PTPRN2: variants seen among roughly 807,000 people sequenced by gnomAD.
PTPRN2 encodes protein tyrosine phosphatase receptor type N2.
PTPRN2 carries 74 observed loss-of-function variants against 118.8 expected under a neutral mutation model. The observed-to-expected ratio is 0.62, with a 90% CI of 0.52 to 0.76. The LOEUF is 0.76. PTPRN2 is among the 30% of genes least tolerant of loss of function. The probability of loss-of-function intolerance (pLI) is 0.00; values close to 1 mark genes in which losing one functional copy is unlikely to be tolerated. For missense variants in PTPRN2, 1,481 were observed against 1,394.4 expected (o/e 1.06, Z -0.99); for synonymous variants, 641 against 608.0 (o/e 1.05, Z -0.80).
At chr7:158,327,585 T>G (rs1047779744) in intron 2 of PTPRN2, among the ~76,000 whole-genome samples, 4 of 152,236 alleles carry the variant, frequency 2.6e-5, no homozygotes, top group Admixed American at 2.6e-4. Flanking sequence ...TGTTCTCATG[T>G]ACACACTCAC....
At position 158,533,466 on chromosome 7, in the gene PTPRN2, G is replaced by A. The variant is rs76263467; in HGVS notation, c.113-43681C>T. On this transcript the variant is annotated intron_variant, in intron 1 of 22. Transcript: ENST00000389418. ...TTTGCCTTCCACTGAGTGGCCCAAC[G>A]TGGAGTGCTAGGAAGCCATCAGGAG... Among the ~76,000 whole-genome samples, 251 of 152,302 alleles carry A rather than the reference G, an allele frequency of 1.6e-3. 8 individuals carry two copies. In the East Asian group the frequency reaches 0.032, roughly 19 times the overall value.
Position 158,003,076 on chromosome 7 carries a change from C to G in PTPRN2, c.1723+78222G>C, listed in dbSNP as rs1374469064. 6.6e-6 allele frequency among the ~76,000 whole-genome samples: 1 copy of G among 152,148 alleles called. No individual in the cohort carries two copies. Among genetic ancestry groups the G allele is most frequent in the African/African-American group, 2.4e-5 (1 of 41,440 alleles). ...TGTCCCCCAAAATCCACAGGGGAAG[C>G]CCTGAACCCTCATGTGACTGTACTT... On this transcript the variant is annotated intron_variant, in intron 11 of 22. Coordinates refer to ENST00000389418, the MANE Select transcript of PTPRN2 (RefSeq NM_002847.5). This position sits in a 1 kb window ranked among gnomAD's most constrained non-coding sequence, Gnocchi z 5.0.
At chr7:157,791,464 T>G (rs1207575809) in intron 12 of PTPRN2, among the ~76,000 whole-genome samples, 1 of 152,142 alleles carries the variant, frequency 6.6e-6, no homozygotes, top group Non-Finnish European at 1.5e-5. Context: ...GGCGGATGCA[T>G]GTATGTGCCC....
intron 12 of PTPRN2, among the ~76,000 whole-genome samples, chr7:157,884,679 AAG>A (rs1268518467): frequency 6.6e-6 from 1 of 152,248 alleles, no homozygotes; most frequent in Non-Finnish European, 1.5e-5. Context: ...GGTGGCAGAC[AAG>A]AGAGAGCATG....
At position 157,661,386 on chromosome 7, in the gene PTPRN2, G is replaced by A. The variant is rs78185137; in HGVS notation, c.2002-4835C>T. On this transcript the variant is annotated intron_variant, in intron 13 of 22. Coordinates refer to ENST00000389418, the MANE Select transcript of PTPRN2 (RefSeq NM_002847.5). ...AGAGGGAGACGCTGCCGTGGGAGAAGGGTGTGCCCACAGCAAGGCAACGCG... is the reference window on the plus strand; with the variant it reads ...AGAGGGAGACGCTGCCGTGGGAGAAAGGTGTGCCCACAGCAAGGCAACGCG... Among the ~76,000 whole-genome samples the A allele has an allele frequency of 3.4e-3, 525 of 152,290 alleles. 1 individual carries two copies. Among genetic ancestry groups the A allele is most frequent in the African/African-American group, 0.012 (478 of 41,538 alleles).
chr7:157,913,052 A>C (rs765637303), intron 11 of PTPRN2, among the ~76,000 whole-genome samples: 50 of 152,224 alleles, frequency 3.3e-4, no homozygotes, highest in Non-Finnish European at 5.4e-4. Context: ...CATTATTCCC[A>C]ATCTGTGAAC....
chr7:157,630,550 G>A (rs896014017), intron 14 of PTPRN2, among the ~76,000 whole-genome samples: 6 of 152,172 alleles, frequency 3.9e-5, no homozygotes, highest in Admixed American at 6.5e-5. Flanking sequence ...ATGGAATTAC[G>A]GGTCTTACTC....
Position 157,735,815 on chromosome 7 carries a change from T to C in PTPRN2, c.1789-52878A>G, listed in dbSNP as rs568964828. Among the ~76,000 whole-genome samples, 35 of 152,222 alleles carry C rather than the reference T, an allele frequency of 2.3e-4. 1 individual carries two copies. The South Asian group carries it at 7.3e-3, about 32-fold the overall frequency. Reference sequence around the variant, plus strand: ...CCCCGTCCTCCTGGCAGGCAGTGGCTGAGTACCTTCTCGGGAAAGGAGGCC... The same window carrying C: ...CCCCGTCCTCCTGGCAGGCAGTGGCCGAGTACCTTCTCGGGAAAGGAGGCC... On this transcript the variant is annotated intron_variant, in intron 12 of 22. Coordinates refer to ENST00000389418, the MANE Select transcript of PTPRN2 (RefSeq NM_002847.5).
rs897628641 is a variant in PTPRN2, at chr7:157,974,375, C to T, written c.1724-75638G>A. Among the ~76,000 whole-genome samples the T allele has an allele frequency of 2.0e-5, 3 of 152,160 alleles. No homozygotes were observed. Among genetic ancestry groups the T allele is most frequent in the Non-Finnish European group, 4.4e-5 (3 of 68,038 alleles). On this transcript the variant is annotated intron_variant, in intron 11 of 22. Coordinates refer to ENST00000389418, the MANE Select transcript of PTPRN2 (RefSeq NM_002847.5). The surrounding 1 kb of genome is among the most constrained non-coding windows in gnomAD (Gnocchi z 4.0). Reference sequence around the variant, plus strand: ...AATCCCCTTTAATTTCAAACAGGGCCCTTCCACCTGCCCTTGATTCCCTGT... The same window carrying T: ...AATCCCCTTTAATTTCAAACAGGGCTCTTCCACCTGCCCTTGATTCCCTGT...
chr7:158,443,571 GGC>G (rs1242127610), intron 2 of PTPRN2, among the ~76,000 whole-genome samples: 1 of 151,992 alleles, frequency 6.6e-6, no homozygotes, highest in Non-Finnish European at 1.5e-5. Flanking sequence ...AGCGGCGTGG[GGC>G]GACTCCTCCC....
rs549001201 is a variant in PTPRN2 at position 158,363,357 on chromosome 7, C to G, written c.164-46425G>C. Among the ~76,000 whole-genome samples, 135 of 152,284 alleles carry G rather than the reference C, an allele frequency of 8.9e-4. 1 individual carries two copies. Among genetic ancestry groups the G allele is most frequent in the African/African-American group, 3.1e-3 (127 of 41,552 alleles). On this transcript the variant is annotated intron_variant, in intron 2 of 22. Transcript: ENST00000389418. ...GCTCGGTTGCTTGGGGAGGCCGCCT[C>G]CTCCAGAGCCTCTGGAACTAAGTCA...
At chr7:157,623,726 T>A (rs956786882) in intron 14 of PTPRN2, among the ~76,000 whole-genome samples, 1 of 152,166 alleles carries the variant, frequency 6.6e-6, no homozygotes. Flanking sequence ...TGACGCGATG[T>A]TTTTTCACGG....
chr7:158,416,349 C>A (rs1354799830), intron 2 of PTPRN2, among the ~76,000 whole-genome samples: 1 of 152,246 alleles, frequency 6.6e-6, no homozygotes, highest in Admixed American at 6.5e-5. Flanking sequence ...CCCCAGCCCC[C>A]AACCACACAG....
chr7:157,723,233 C>T (rs962465455), intron 12 of PTPRN2, among the ~76,000 whole-genome samples: 3 of 152,188 alleles, frequency 2.0e-5, no homozygotes, highest in South Asian at 2.1e-4. Flanking sequence ...CTTGCCCTGA[C>T]GCCTCTCCTG....
At chr7:158,357,428 G>C (rs1808478842) in intron 2 of PTPRN2, among the ~76,000 whole-genome samples, 1 of 152,190 alleles carries the variant, frequency 6.6e-6, no homozygotes, top group Non-Finnish European at 1.5e-5. Flanking sequence ...GACACAAATG[G>C]TGGCTTCCTG....
intron 4 of PTPRN2, among the ~76,000 whole-genome samples, chr7:158,193,751 A>G (rs1825968749): frequency 1.3e-5 from 2 of 152,026 alleles, no homozygotes; most frequent in African/African-American, 4.8e-5. Context: ...GCCCCCACGG[A>G]GGCCTTTGCT....
chr7:158,284,973 T>G (rs977946186), intron 3 of PTPRN2, among the ~76,000 whole-genome samples: 7 of 152,220 alleles, frequency 4.6e-5, no homozygotes, highest in African/African-American at 1.7e-4. Context: ...TGTGCCCATA[T>G]GCTGACGTTA....
chr7:158,369,429 G>A (rs1393122443), intron 2 of PTPRN2, among the ~76,000 whole-genome samples: 1 of 152,080 alleles, frequency 6.6e-6, no homozygotes, highest in Non-Finnish European at 1.5e-5. Context: ...AGGGTGCCGG[G>A]GGTCAGAACA....
At chr7:158,220,290 A>T (rs1031317236) in intron 3 of PTPRN2, among the ~76,000 whole-genome samples, 1 of 152,170 alleles carries the variant, frequency 6.6e-6, no homozygotes, top group African/African-American at 2.4e-5. Context: ...CATCACTCCT[A>T]TTCAACATAG....
Sources: gnomAD v4.1 joint callset for allele counts (sites outside exome capture counted in the v4.1 genomes callset) on GRCh38, gnomAD v4.1.1 for gene constraint, Gnocchi (gnomAD v3.1) non-coding constraint, MANE v1.5 for transcripts, NCBI Gene and HGNC (gene_info 2026-07-23, HGNC 2026-07-21) for gene names.